The following PDE8B variants were observed in gnomAD, a reference collection of about 807,000 sequenced individuals.
PDE8B encodes high affinity cAMP-specific and IBMX-insensitive 3',5'-cyclic phosphodiesterase 8B.
A neutral mutation model predicts 101.3 loss-of-function variants in PDE8B; 26 were observed. The ratio of observed to expected loss-of-function variants is 0.26; its 90% CI spans 0.19 to 0.36. The LOEUF (loss-of-function observed/expected upper bound fraction) is 0.36, where lower values mean the gene tolerates loss of function less well. Among genes scored for constraint, PDE8B ranks in the 10% least tolerant of loss-of-function variants. The pLI, the probability that PDE8B is intolerant of heterozygous loss-of-function variation, is 1.00. For synonymous variants in PDE8B, 424 were observed against 429.3 expected, an observed-to-expected ratio of 0.99 and a Z score of 0.15; for missense variants, 810 against 1,163.1, an observed-to-expected ratio of 0.70 and a Z score of 4.42.
At chr5:77,365,905 G>GA (rs1784040723) in intron 10 of PDE8B, among the ~76,000 whole-genome samples, 1 of 152,186 alleles carries the variant, frequency 6.6e-6, no homozygotes, top group Non-Finnish European at 1.5e-5. Context: ...CCTCTTCCTG[G>GA]AACTGGCTTC....
At chr5:77,381,668 GT>G (rs1303776800) in intron 10 of PDE8B, among the ~76,000 whole-genome samples, 2 of 151,842 alleles carry the variant, frequency 1.3e-5, no homozygotes, top group African/African-American at 4.8e-5. Context: ...TAAGAGGGAT[GT>G]TTTCATATTG....
intron 5 of PDE8B, among the ~76,000 whole-genome samples, chr5:77,336,073 CA>C (rs1778132426): frequency 6.6e-6 from 1 of 152,176 alleles, no homozygotes; most frequent in South Asian, 2.1e-4. Flanking sequence ...TCATGCCTAG[CA>C]TAAATAGGTG....
At chr5:77,309,045 G>A (rs1340704423) in intron 1 of PDE8B, among the ~76,000 whole-genome samples, 3 of 152,016 alleles carry the variant, frequency 2.0e-5, no homozygotes, top group Middle Eastern at 3.2e-3. Flanking sequence ...TGTAAGTGGT[G>A]GTGGGTGCCT....
chr5:77,293,745 G>C (rs538932787), intron 1 of PDE8B, among the ~76,000 whole-genome samples: 59 of 152,304 alleles, frequency 3.9e-4, no homozygotes, highest in African/African-American at 1.4e-3. Context: ...TAGTCTGCAT[G>C]CTTGCCAGCA....
intron 1 of PDE8B, among the ~76,000 whole-genome samples, chr5:77,243,021 A>G (rs911164349): frequency 2.0e-5 from 3 of 152,246 alleles, no homozygotes; most frequent in South Asian, 2.1e-4. Flanking sequence ...GATAAAAAGT[A>G]TAATACCAAT....
chr5:77,162,059 G>A, the PDE8B span, among the ~76,000 whole-genome samples: 2 of 151,328 alleles, frequency 1.3e-5, no homozygotes, highest in Admixed American at 6.6e-5. Flanking sequence ...AACTCTCCTG[G>A]AACTAATAAG....
At chr5:77,278,690 C>T (rs537034832) in intron 1 of PDE8B, among the ~76,000 whole-genome samples, 31 of 152,152 alleles carry the variant, frequency 2.0e-4, no homozygotes, top group East Asian at 3.9e-4. Flanking sequence ...AGGATGGTCT[C>T]GATCTCCTGA....
chr5:77,290,981 A>C, intron 1 of PDE8B: 2 of 1,611,928 alleles, frequency 1.2e-6, no homozygotes, highest in Non-Finnish European at 1.7e-6. Flanking sequence ...AAGATGAACG[A>C]GTGAACCTGC....
At chr5:77,263,277 C>G (rs909836639) in intron 1 of PDE8B, among the ~76,000 whole-genome samples, 1 of 152,262 alleles carries the variant, frequency 6.6e-6, no homozygotes, top group Non-Finnish European at 1.5e-5. Context: ...AAGATCAATG[C>G]GAACTTTTAT....
intron 1 of PDE8B, among the ~76,000 whole-genome samples, chr5:77,281,334 T>A (rs1016245391): frequency 2.0e-5 from 3 of 152,242 alleles, no homozygotes; most frequent in Non-Finnish European, 4.4e-5. Flanking sequence ...AGTTTCCTCT[T>A]GTTGCTGCAA....
intron 3 of PDE8B, among the ~76,000 whole-genome samples, chr5:77,327,299 A>G (rs900535494): frequency 6.6e-6 from 1 of 152,200 alleles, no homozygotes; most frequent in Non-Finnish European, 1.5e-5. Flanking sequence ...CCTCTCATCC[A>G]GGAAGAGGCC....
intron 1 of PDE8B, among the ~76,000 whole-genome samples, chr5:77,228,809 T>A (rs1175755000): frequency 2.0e-5 from 3 of 152,182 alleles, no homozygotes; most frequent in Non-Finnish European, 4.4e-5. Context: ...ACAGTCCAAG[T>A]TGTGGTTTCA....
At chr5:77,139,035 G>T in the PDE8B span, among the ~76,000 whole-genome samples, 56 of 152,266 alleles carry the variant, frequency 3.7e-4, no homozygotes, top group African/African-American at 1.3e-3. Context: ...GACTCCCACG[G>T]CCCCTCCTGG....
intron 1 of PDE8B, among the ~76,000 whole-genome samples, chr5:77,240,420 TG>T (rs2149540641): frequency 6.6e-6 from 1 of 152,356 alleles, no homozygotes; most frequent in African/African-American, 2.4e-5. Context: ...CCCAAAGTGC[TG>T]GGATTACAGG....
At chr5:77,115,987 T>C in the PDE8B span, among the ~76,000 whole-genome samples, 4 of 152,024 alleles carry the variant, frequency 2.6e-5, no homozygotes, top group Non-Finnish European at 4.4e-5. Context: ...CTGTAATGCA[T>C]ATAAAGGAAG....
the PDE8B span, among the ~76,000 whole-genome samples, chr5:77,138,687 G>T: frequency 3.4e-3 from 517 of 152,282 alleles, 4 homozygotes; most frequent in African/African-American, 0.011. Flanking sequence ...TTTCTTCTTT[G>T]AAATGATCTG....
intron 10 of PDE8B, among the ~76,000 whole-genome samples, chr5:77,382,826 C>T (rs546869267): frequency 6.6e-6 from 1 of 152,160 alleles, no homozygotes; most frequent in East Asian, 1.9e-4. Flanking sequence ...TTTTCTTTAT[C>T]CAGTCTATCA....
intron 1 of PDE8B, among the ~76,000 whole-genome samples, chr5:77,232,974 A>G (rs1222701514): frequency 6.6e-6 from 1 of 152,190 alleles, no homozygotes; most frequent in Non-Finnish European, 1.5e-5. Flanking sequence ...TCACAGGAGT[A>G]TTGTGTGATT....
chr5:77,298,244 C>G (rs1488609120), intron 1 of PDE8B, among the ~76,000 whole-genome samples: 1 of 152,228 alleles, frequency 6.6e-6, no homozygotes, highest in East Asian at 1.9e-4. Flanking sequence ...GATACTGGGA[C>G]TTGTTACCCT....
Sources: allele counts gnomAD v4.1 joint callset (sites outside exome capture counted in the v4.1 genomes callset), GRCh38; gene constraint gnomAD v4.1.1; transcripts MANE v1.5; gene names NCBI Gene and HGNC (gene_info 2026-07-23, HGNC 2026-07-21).